IL1R1: variants seen among roughly 807,000 people sequenced by gnomAD.
IL1R1 encodes interleukin-1 receptor type 1.
In IL1R1, 22 loss-of-function variants were observed where a neutral mutation model predicts 50.2. The ratio of observed to expected loss-of-function variants is 0.44; its 90% CI spans 0.31 to 0.63. IL1R1 has a LOEUF of 0.63. IL1R1 is among the 20% of genes least tolerant of loss of function. The probability of loss-of-function intolerance (pLI) is 0.07; values close to 1 mark genes in which losing one functional copy is unlikely to be tolerated. For missense variants in IL1R1, 509 were observed against 676.2 expected, an observed-to-expected ratio of 0.75 and a Z score of 2.74; for synonymous variants, 251 against 236.7, an observed-to-expected ratio of 1.06 and a Z score of -0.55.
chr2:102,155,830 G>A (rs1017455806), intron 2 of IL1R1, among the ~76,000 whole-genome samples: 1 of 152,350 alleles, frequency 6.6e-6, no homozygotes, highest in South Asian at 2.1e-4. Context: ...GGGGCCCAGG[G>A]AGAGTCACAT....
rs1382190194 is a variant in IL1R1 at position 102,092,825 on chromosome 2, G to T, written c.-84+22292G>T. ...AAGGAAGATGCTTTTCCGCTCTCTA[G>T]TTCCATGACTATGATTTTTTTTTTC... On this transcript the variant is annotated intron_variant, in intron 1 of 11. Coordinates refer to the IL1R1 transcript ENST00000409929. Among the ~76,000 whole-genome samples the T allele has an allele frequency of 2.0e-5, 3 of 152,002 alleles. No homozygotes were observed. In the East Asian group the frequency reaches 5.8e-4, roughly 29 times the overall value.
chr2:102,080,310 A>G (rs1679150842), intron 1 of IL1R1, among the ~76,000 whole-genome samples: 2 of 152,210 alleles, frequency 1.3e-5, no homozygotes, highest in Admixed American at 1.3e-4. Flanking sequence ...ATGGAGTGGG[A>G]TAAAATATTG....
In IL1R1 at chr2:102,177,590, T is replaced by C. The variant is rs528412041; in HGVS notation, c.*831T>C. On this transcript the variant is annotated 3_prime_UTR_variant, in exon 12 of 12. Transcript: ENST00000410023. ...CAGAAGTTAGTGTCCGAAGACCGAA[T>C]TTTATTTTACAGAGCTTGAAAACTC... 6.6e-6 allele frequency: 1 copy of C among 152,432 alleles called. No individual in the cohort carries two copies. Among genetic ancestry groups the C allele is most frequent in the South Asian group, 2.1e-4 (1 of 4,828 alleles). The allele number at this position is 152,432 out of a possible 1,614,324, so 9.4% of individuals were successfully genotyped here. A position where few individuals can be genotyped will look rare whatever the true frequency, so the allele number is the denominator to read the frequency against.
chr2:102,177,246 C>G lies in IL1R1; in HGVS notation c.*487C>G, dbSNP rs1686225567. 1.2e-5 allele frequency: 2 copies of G among 161,918 alleles called. No individual in the cohort carries two copies. Among genetic ancestry groups the G allele is most frequent in the Admixed American group, 6.2e-5 (1 of 16,006 alleles). 10.0% of individuals were successfully genotyped at this position (161,918 alleles called of 1,614,324 possible). ...GGGCCACTGCACTCTAGCCTGGCAA[C>G]AGAGCAAGACTCCGTCTCAAAAAAA... On this transcript the variant is annotated 3_prime_UTR_variant, in exon 12 of 12. Coordinates refer to ENST00000410023, the MANE Select transcript of IL1R1 (RefSeq NM_000877.4).
At chr2:102,082,809 T>C (rs1015102744) in intron 1 of IL1R1, among the ~76,000 whole-genome samples, 3 of 152,212 alleles carry the variant, frequency 2.0e-5, no homozygotes, top group Non-Finnish European at 4.4e-5. Context: ...TGAGAGCTGC[T>C]AGCCTCGCTG....
At chr2:102,093,007 T>G (rs910003948) in intron 1 of IL1R1, among the ~76,000 whole-genome samples, 1 of 152,196 alleles carries the variant, frequency 6.6e-6, no homozygotes, top group African/African-American at 2.4e-5. Context: ...CCTTGAGACT[T>G]GAAGGTGCTG....
At chr2:102,171,364 A>T (rs1347674547) in intron 7 of IL1R1, among the ~76,000 whole-genome samples, 1 of 152,214 alleles carries the variant, frequency 6.6e-6, no homozygotes, top group Non-Finnish European at 1.5e-5. Context: ...TCTTGCTTCT[A>T]GATTTTAATA....
At position 102,178,479 on chromosome 2, in the gene IL1R1, TA is replaced by T. The variant is rs1414328152; in HGVS notation, c.*1727del. ...TATATAGAGAAAGTGACCTATTTTT[TA>T]AAAAAATCACACTCTAAGTTCTATT... On this transcript the variant is annotated 3_prime_UTR_variant, in exon 12 of 12. Coordinates refer to ENST00000410023, the MANE Select transcript of IL1R1 (RefSeq NM_000877.4). 1 of 152,248 alleles carries T rather than the reference TA, an allele frequency of 6.6e-6. No homozygotes were observed. Among genetic ancestry groups the T allele is most frequent in the African/African-American group, 2.4e-5 (1 of 41,424 alleles). The allele number at this position is 152,248 out of a possible 1,614,324, so 9.4% of individuals were successfully genotyped here.
intron 1 of IL1R1, among the ~76,000 whole-genome samples, chr2:102,080,474 A>C (rs1473234958): frequency 3.3e-5 from 5 of 152,236 alleles, no homozygotes; most frequent in Non-Finnish European, 7.3e-5. Context: ...ACATTAAAAG[A>C]TGCTCGACAT....
At chr2:102,109,892 A>G (rs1680648848) in intron 1 of IL1R1, among the ~76,000 whole-genome samples, 1 of 152,172 alleles carries the variant, frequency 6.6e-6, no homozygotes, top group Non-Finnish European at 1.5e-5. Flanking sequence ...CTCCTGGGCG[A>G]CTTATCTCCC....
At chr2:102,078,305 G>A (rs1468774948) in intron 1 of IL1R1, among the ~76,000 whole-genome samples, 1 of 151,826 alleles carries the variant, frequency 6.6e-6, no homozygotes, top group African/African-American at 2.4e-5. Flanking sequence ...AAACAAAACT[G>A]GCAAAGCATT....
At chr2:102,081,426 C>G (rs370580472) in intron 1 of IL1R1, among the ~76,000 whole-genome samples, 13 of 152,148 alleles carry the variant, frequency 8.5e-5, no homozygotes, top group Admixed American at 3.9e-4. Flanking sequence ...CTGCAATGTA[C>G]CAGGGCATCT....
chr2:102,073,687 AAAATATTGACTCT>A (rs1678837840), intron 1 of IL1R1, among the ~76,000 whole-genome samples: 1 of 152,182 alleles, frequency 6.6e-6, no homozygotes, highest in Admixed American at 6.5e-5. Context: ...CCAAATAGAT[AAAATATTGACTCT>A]TAAACATATG....
In IL1R1 at chr2:102,142,803, G is replaced by A. The variant is rs1192215407; in HGVS notation, c.-301G>A. On this transcript the variant is annotated 5_prime_UTR_variant, in exon 1 of 12. Transcript: ENST00000410023. ...GGCCGGCGGCCGGAGCCGACTCGGA[G>A]CGCGCGGCGCCGGCCGGGAGGAGCC... The A allele has an allele frequency of 1.4e-5, 2 of 148,062 alleles. No individual in the cohort carries two copies. Among genetic ancestry groups the A allele is most frequent in the East Asian group, 3.9e-4 (2 of 5,072 alleles). The allele number at this position is 148,062 out of a possible 1,614,324, so 9.2% of individuals were successfully genotyped here.
chr2:102,166,151 T>A lies in IL1R1; in HGVS notation c.525T>A (p.Ser175Arg), dbSNP rs1444335245. The change falls in exon 6 of 12, where the codon AGT becomes AGA. Residue 175 changes from serine (S) to arginine (R), a missense_variant. Physicochemically the swap from Ser to Arg is moderately radical, Grantham distance 110. Transcript: ENST00000410023. Reference sequence around the variant, plus strand: ...TACTTCTTGACAATATACACTTTAGTGGAGTCAAAGATAGGCTCATCGTGA... The same window carrying A: ...TACTTCTTGACAATATACACTTTAGAGGAGTCAAAGATAGGCTCATCGTGA... ...KPLLLDNIHF[S>R]GVKDRLIVMN... The A allele has an allele frequency of 1.2e-6, 2 of 1,613,822 alleles. No homozygotes were observed. Among genetic ancestry groups the A allele is most frequent in the African/African-American group, 2.7e-5 (2 of 74,908 alleles).
At chr2:102,135,395 T>C (rs1682290480) in intron 1 of IL1R1, among the ~76,000 whole-genome samples, 1 of 152,222 alleles carries the variant, frequency 6.6e-6, no homozygotes, top group South Asian at 2.1e-4. Flanking sequence ...ACAAAGTACA[T>C]GCATTCCTAT....
At chr2:102,161,718 G>A (rs894308343) in intron 3 of IL1R1, among the ~76,000 whole-genome samples, 3 of 150,854 alleles carry the variant, frequency 2.0e-5, no homozygotes, top group African/African-American at 7.3e-5. Context: ...TTCATTTTTG[G>A]GACAAAAGTC....
At chr2:102,100,198 C>T (rs1300191509), upstream of IL1R1, among the ~76,000 whole-genome samples, 4 of 152,192 alleles carry the variant, frequency 2.6e-5, no homozygotes. Flanking sequence ...GCTTTCTAAA[C>T]TTGTATTTGC....
At chr2:102,164,439 A>C (rs1419979099) in intron 3 of IL1R1, among the ~76,000 whole-genome samples, 2 of 152,004 alleles carry the variant, frequency 1.3e-5, no homozygotes, top group African/African-American at 4.8e-5. Flanking sequence ...TTAGTTGTTC[A>C]TGTGGGAAGG....
Sources: allele counts gnomAD v4.1 joint callset (sites outside exome capture counted in the v4.1 genomes callset), GRCh38; gene constraint gnomAD v4.1.1; transcripts MANE v1.5; gene names NCBI Gene and HGNC (gene_info 2026-07-23, HGNC 2026-07-21).